The following SULT1C4 variants were observed in gnomAD, a reference collection of about 807,000 sequenced individuals.
SULT1C4 encodes the protein sulfotransferase 1C4.
SULT1C4 carries 32 observed loss-of-function variants against 34.8 expected under a neutral mutation model. The observed-to-expected ratio is 0.92, with a 90% CI of 0.69 to 1.23. The LOEUF is 1.23. Among genes scored for constraint, SULT1C4 ranks in the 50% most tolerant of loss-of-function variants. The probability of loss-of-function intolerance (pLI) is 0.00; values close to 1 mark genes in which losing one functional copy is unlikely to be tolerated. For missense variants in SULT1C4, 375 were observed against 365.9 expected (o/e 1.02, Z -0.20); for synonymous variants, 111 against 120.5 (o/e 0.92, Z 0.51).
At chr2:108,381,389 C>T (rs534097430) in intron 1 of SULT1C4, among the ~76,000 whole-genome samples, 1 of 152,252 alleles carries the variant, frequency 6.6e-6, no homozygotes, top group East Asian at 1.9e-4. Flanking sequence ...ATAATCCCAG[C>T]ATTTTAGGAG....
chr2:108,386,109 C>A, intron 5 of SULT1C4, 83 bp from the exon 6 acceptor site: 1 of 1,090,232 alleles, frequency 9.2e-7, no homozygotes, highest in Non-Finnish European at 1.2e-6. Flanking sequence ...AATATGTTAC[C>A]GGTTACTGTC....
intron 2 of SULT1C4, chr2:108,382,090 T>A (rs1435343280): frequency 8.1e-6 from 5 of 618,740 alleles, no homozygotes; most frequent in African/African-American, 1.9e-5. Flanking sequence ...AGTTAAATTT[T>A]GTTTCTCTAG....
At chr2:108,386,110 G>A (rs1162615976) in intron 5 of SULT1C4, 82 bp from the exon 6 acceptor site, 31 of 1,102,986 alleles carry the variant, frequency 2.8e-5, no homozygotes, top group Middle Eastern at 3.1e-4. Context: ...ATATGTTACC[G>A]GTTACTGTCA....
chr2:108,382,365 A>T lies in SULT1C4; in HGVS notation c.296-20A>T. The stretch of plus-strand genomic sequence containing the variant: ...GATAAAAAAAAAATCGTAGAAATTG[A>T]TCGAAAACCAGTTTTGCAGGTTTGG... On this transcript the variant is annotated intron_variant, in intron 2 of 6. Transcript: ENST00000272452. 1 of 1,601,986 alleles carries T rather than the reference A, an allele frequency of 6.2e-7. No individual in the cohort carries two copies. Among genetic ancestry groups the T allele is most frequent in the Non-Finnish European group, 8.5e-7 (1 of 1,172,364 alleles).
At position 108,387,793 on chromosome 2, in the gene SULT1C4, TA is replaced by T. The variant is rs1678605236; in HGVS notation, c.*363del. 1 of 164,138 alleles carries T rather than the reference TA, an allele frequency of 6.1e-6. No individual in the cohort carries two copies. Among genetic ancestry groups the T allele is most frequent in the Non-Finnish European group, 1.3e-5 (1 of 77,100 alleles). The allele number at this position is 164,138 out of a possible 1,614,324, so 10.2% of individuals were successfully genotyped here. ...TTTCAGATTAAGTTTTGGTTCAAGT[TA>T]ATTTTTTTTTTTTTTTTTTTGAGAC... On this transcript the variant is annotated 3_prime_UTR_variant, in exon 7 of 7. Coordinates refer to ENST00000272452, the MANE Select transcript of SULT1C4 (RefSeq NM_006588.4).
chr2:108,382,605 A>G lies in SULT1C4; in HGVS notation c.393+123A>G, dbSNP rs1678439228. 3.8e-6 allele frequency: 3 copies of G among 785,426 alleles called. 1 individual carries two copies. The East Asian group carries it at 8.2e-5, about 21-fold the overall frequency. 48.7% of individuals were successfully genotyped at this position (785,426 alleles called of 1,614,324 possible). On this transcript the variant is annotated intron_variant, in intron 3 of 6. Transcript: ENST00000272452. Reference sequence around the variant, plus strand: ...TACCTCTTCACAATAATCAATATGCAAATTAATATGAATCCTAGCCAGGCA... The same window carrying G: ...TACCTCTTCACAATAATCAATATGCGAATTAATATGAATCCTAGCCAGGCA...
Position 108,386,212 on chromosome 2 carries a change from G to C in SULT1C4, c.636G>C (p.Gln212His), listed in dbSNP as rs145686853. ...CATAGAACCCAAAGCATGAAATTCAGAAGCTGGCAGAATTTATTGGGAAGA... is the reference window on the plus strand; with the variant it reads ...CATAGAACCCAAAGCATGAAATTCACAAGCTGGCAGAATTTATTGGGAAGA... ...DMKKNPKHEIQKLAEFIGKKL... is the reference protein window; with the variant it reads ...DMKKNPKHEIHKLAEFIGKKL... Residue 212 changes from glutamine to histidine, a missense_variant, in exon 6 of 7, where the codon CAG becomes CAC. Transcript: ENST00000272452. The C allele has an allele frequency of 2.2e-5, 34 of 1,520,458 alleles. No individual in the cohort carries two copies. In the African/African-American group the frequency reaches 3.8e-4, roughly 17 times the overall value. 94.2% of individuals were successfully genotyped at this position (1,520,458 alleles called of 1,614,324 possible).
chr2:108,383,067 C>G, intron 3 of SULT1C4, 26 bp from the exon 4 acceptor site: 1 of 1,535,690 alleles, frequency 6.5e-7, no homozygotes, highest in Non-Finnish European at 8.7e-7. Context: ...TTGCTTCTTC[C>G]CTTCCCCTCC....
At position 108,378,496 on chromosome 2, in the gene SULT1C4, T is replaced by A. The variant is rs199571394; in HGVS notation, c.159T>A (p.Tyr53Ter). The A allele has an allele frequency of 6.2e-7, 1 of 1,613,678 alleles. No homozygotes were observed. The highest frequency in any genetic ancestry group is 2.2e-5 in the East Asian group (1 of 44,872). ...AKPDDLLIST[Y>*]PKAGTTWTQE... ...CTGATGACCTGCTTATTTCTACCTA[T>A]CCTAAAGCAGGTAGGTGGAAGGGCT... is the stretch of plus-strand genomic sequence containing the variant. The change falls in exon 1 of 7, where the codon TAT becomes TAA. Residue 53 changes from tyrosine (Y) to a stop codon, truncating the protein, a stop_gained. Coordinates refer to ENST00000272452, the MANE Select transcript of SULT1C4 (RefSeq NM_006588.4). LOFTEE classifies it high-confidence loss of function.
rs992558048 is a variant in SULT1C4 at position 108,387,624 on chromosome 2, G to A, written c.*192G>A. 5.5e-6 allele frequency: 3 copies of A among 549,320 alleles called. No homozygotes were observed. Among genetic ancestry groups the A allele is most frequent in the South Asian group, 2.5e-5 (1 of 40,376 alleles). The allele number at this position is 549,320 out of a possible 1,614,324, so 34.0% of individuals were successfully genotyped here. A position where few individuals can be genotyped will look rare whatever the true frequency, so the allele number is the denominator to read the frequency against. On this transcript the variant is annotated 3_prime_UTR_variant, in exon 7 of 7. Transcript: ENST00000272452. ...AGGTGGTGACAGGCAGCAGGGTGGC[G>A]ACATGGAGAGAGGGAAGCTCAATAA...
At chr2:108,381,937 T>A in intron 2 of SULT1C4, 50 bp downstream of exon 2, 1 of 1,417,564 alleles carries the variant, frequency 7.1e-7, no homozygotes, top group Non-Finnish European at 9.2e-7. Flanking sequence ...GCACTTAGGA[T>A]TTTTACTGTC....
intron 2 of SULT1C4, 73 bp downstream of exon 2, chr2:108,381,960 G>A (rs1573294862): frequency 8.8e-6 from 12 of 1,366,716 alleles, no homozygotes; most frequent in African/African-American, 6.0e-5. Context: ...TGCACCTTTC[G>A]AAATTATAGG....
chr2:108,386,183 T>C lies in SULT1C4; in HGVS notation c.616-9T>C. 6.9e-7 allele frequency: 1 copy of C among 1,447,462 alleles called. No individual in the cohort carries two copies. Among genetic ancestry groups the C allele is most frequent in the Non-Finnish European group, 9.2e-7 (1 of 1,092,422 alleles). 89.7% of individuals were successfully genotyped at this position (1,447,462 alleles called of 1,614,324 possible). A position where few individuals can be genotyped will look rare whatever the true frequency, so the allele number is the denominator to read the frequency against. On this transcript the variant is annotated splice_polypyrimidine_tract_variant and intron_variant, in intron 5 of 6. Coordinates refer to ENST00000272452, the MANE Select transcript of SULT1C4 (RefSeq NM_006588.4). ...TAAATCATTACTTTTCTTTTGACTC[T>C]GATCATAGAACCCAAAGCATGAAAT...
intron 2 of SULT1C4, 121 bp from the exon 3 acceptor site, chr2:108,382,264 C>T (rs1278694374): frequency 1.2e-6 from 1 of 808,580 alleles, no homozygotes; most frequent in Non-Finnish European, 2.1e-6. Context: ...CACACCAGAT[C>T]TACAGTTACA....
At chr2:108,380,329 C>T (rs1448205640) in intron 1 of SULT1C4, among the ~76,000 whole-genome samples, 1 of 151,864 alleles carries the variant, frequency 6.6e-6, no homozygotes, top group Admixed American at 6.6e-5. Flanking sequence ...GCCTGGGCAA[C>T]ATAGGGAGAC....
At position 108,387,331 on chromosome 2, in the gene SULT1C4, G is replaced by A; in HGVS notation, c.808G>A (p.Asp270Asn). The change falls in exon 7 of 7, where the codon GAC becomes AAC. Residue 270 changes from aspartate (D) to asparagine (N), a missense_variant. By Grantham distance (23) the Asp-to-Asn change is conservative. Coordinates refer to ENST00000272452, the MANE Select transcript of SULT1C4 (RefSeq NM_006588.4). ...SPFMRKGAVG[D>N]WKKHFTVAQN... Reference sequence around the variant, plus strand: ...TAACTGTATTTCAGGGGCAGTGGGAGACTGGAAGAAACACTTCACCGTGGC... The same window carrying A: ...TAACTGTATTTCAGGGGCAGTGGGAAACTGGAAGAAACACTTCACCGTGGC... 1 of 1,613,314 alleles carries A rather than the reference G, an allele frequency of 6.2e-7. No homozygotes were observed.
chr2:108,382,132 C>T (rs1382112786), intron 2 of SULT1C4: 8 of 559,432 alleles, frequency 1.4e-5, no homozygotes, highest in Non-Finnish European at 2.4e-5. Context: ...AAAGAATAAG[C>T]TCAAGTAAGA....
chr2:108,380,818 G>T (rs186540035), intron 1 of SULT1C4, among the ~76,000 whole-genome samples: 30 of 152,286 alleles, frequency 2.0e-4, no homozygotes, highest in African/African-American at 7.2e-4. Context: ...CCTCAGGAAG[G>T]ATGACTTCTA....
Position 108,381,167 on chromosome 2 carries a change from T to A in SULT1C4, c.170-595T>A, listed in dbSNP as rs373074312. 1.6e-4 allele frequency among the ~76,000 whole-genome samples: 24 copies of A among 152,206 alleles called. No homozygotes were observed. In the East Asian group the frequency reaches 3.7e-3, roughly 23 times the overall value. On this transcript the variant is annotated intron_variant, in intron 1 of 6. Coordinates refer to ENST00000272452, the MANE Select transcript of SULT1C4 (RefSeq NM_006588.4). ...CCTTTCTAAGGACAATACAGCTAAATAAATAGAACAATAATAACAATCCAA... is the reference window on the plus strand; with the variant it reads ...CCTTTCTAAGGACAATACAGCTAAAAAAATAGAACAATAATAACAATCCAA...
Sources: gnomAD v4.1 joint callset for allele counts (sites outside exome capture counted in the v4.1 genomes callset) on GRCh38, gnomAD v4.1.1 for gene constraint, MANE v1.5 for transcripts, NCBI Gene and HGNC (gene_info 2026-07-23, HGNC 2026-07-21) for gene names.